The following ANKRD33B variants were observed in gnomAD, a reference collection of about 807,000 sequenced individuals.
ANKRD33B encodes ankyrin repeat domain 33B.
In ANKRD33B, 6 loss-of-function variants were observed where a neutral mutation model predicts 21.5. The observed-to-expected ratio is 0.28, with a 90% CI of 0.15 to 0.55. The LOEUF (loss-of-function observed/expected upper bound fraction) is 0.55. Among genes scored for constraint, ANKRD33B ranks in the 20% least tolerant of loss-of-function variants. The probability of loss-of-function intolerance (pLI) is 0.94; values close to 1 mark genes in which losing one functional copy is unlikely to be tolerated. For synonymous variants in ANKRD33B, 347 were observed against 342.4 expected (o/e 1.01, Z -0.15); for missense variants, 698 against 747.2 (o/e 0.93, Z 0.77).
At chr5:10,577,473 G>T (rs1735349508) in intron 1 of ANKRD33B, among the ~76,000 whole-genome samples, 1 of 152,186 alleles carries the variant, frequency 6.6e-6, no homozygotes, top group Non-Finnish European at 1.5e-5. Context: ...CTGGAGTCGG[G>T]GCCCATCCTG....
chr5:10,624,669 C>T (rs1736503719), intron 2 of ANKRD33B: 20 of 447,188 alleles, frequency 4.5e-5, no homozygotes, highest in South Asian at 3.2e-4. Flanking sequence ...TTGTGTGTGT[C>T]TTAATTGCCT....
intron 1 of ANKRD33B, among the ~76,000 whole-genome samples, chr5:10,604,478 C>A (rs1176724933): frequency 1.3e-5 from 2 of 149,606 alleles, no homozygotes; most frequent in Non-Finnish European, 3.0e-5. Context: ...CAGGTGTGAG[C>A]CACTGTGCCT....
At chr5:10,637,822 C>G (rs537973651) in intron 2 of ANKRD33B, among the ~76,000 whole-genome samples, 2 of 152,236 alleles carry the variant, frequency 1.3e-5, no homozygotes, top group South Asian at 4.2e-4. Flanking sequence ...AAAACAGCAG[C>G]GCTGCAGCCA....
At chr5:10,618,513 C>T (rs950806736) in intron 2 of ANKRD33B, 51 bp downstream of exon 2, 159 of 1,473,546 alleles carry the variant, frequency 1.1e-4, no homozygotes, top group Middle Eastern at 1.8e-4. Context: ...AGAGCACCGC[C>T]GCCGGGCAGC....
At chr5:10,620,753 A>G (rs185650941) in intron 2 of ANKRD33B, among the ~76,000 whole-genome samples, 184 of 152,338 alleles carry the variant, frequency 1.2e-3, no homozygotes, top group Middle Eastern at 6.8e-3. Context: ...GTGTCCTATC[A>G]GGACACATAC....
intron 1 of ANKRD33B, among the ~76,000 whole-genome samples, chr5:10,601,603 C>T (rs1023101254): frequency 7.2e-5 from 11 of 152,230 alleles, no homozygotes; most frequent in African/African-American, 2.7e-4. Flanking sequence ...AGTCGCATTT[C>T]AGCAATCTTT....
chr5:10,572,062 T>C (rs2126545050), intron 1 of ANKRD33B, among the ~76,000 whole-genome samples: 1 of 152,142 alleles, frequency 6.6e-6, no homozygotes, highest in East Asian at 1.9e-4. Flanking sequence ...CTAATTTTTG[T>C]ATTTTTAGTA....
At chr5:10,608,439 A>C (rs1293947942) in intron 1 of ANKRD33B, among the ~76,000 whole-genome samples, 1 of 151,944 alleles carries the variant, frequency 6.6e-6, no homozygotes, top group African/African-American at 2.4e-5. Flanking sequence ...ACAAGGCTGC[A>C]GTAGCGAATC....
intron 1 of ANKRD33B, among the ~76,000 whole-genome samples, chr5:10,580,607 CTT>C (rs1385823466): frequency 6.6e-6 from 1 of 152,160 alleles, no homozygotes; most frequent in African/African-American, 2.4e-5. Context: ...CTCTCTCACT[CTT>C]TTCTTTCTTT....
chr5:10,617,934 C>T (rs566042924), intron 1 of ANKRD33B, among the ~76,000 whole-genome samples: 1 of 152,330 alleles, frequency 6.6e-6, no homozygotes, highest in East Asian at 1.9e-4. Context: ...TCTGCCAAGC[C>T]CAGCCTGACC....
In ANKRD33B at chr5:10,656,488, G is replaced by A. The variant is rs1737491047; in HGVS notation, c.*6375G>A. ...GACACTGGGCTTTGTGCTGGCAAAG[G>A]TTACGATGCTGCTGTAGCTTGGCTG... On this transcript the variant is annotated 3_prime_UTR_variant, in exon 4 of 4. Transcript: ENST00000296657. The A allele has an allele frequency of 6.6e-6, 1 of 152,552 alleles. No individual in the cohort carries two copies. Among genetic ancestry groups the A allele is most frequent in the South Asian group, 2.1e-4 (1 of 4,836 alleles). 9.4% of individuals were successfully genotyped at this position (152,552 alleles called of 1,614,324 possible).
intron 2 of ANKRD33B, among the ~76,000 whole-genome samples, chr5:10,633,192 C>G (rs1161990120): frequency 2.0e-5 from 3 of 150,888 alleles, no homozygotes; most frequent in African/African-American, 7.3e-5. Context: ...ACCTCCACCT[C>G]CTGGGTTCAA....
intron 2 of ANKRD33B, among the ~76,000 whole-genome samples, chr5:10,635,587 C>T (rs1282124491): frequency 6.6e-6 from 1 of 152,240 alleles, no homozygotes; most frequent in African/African-American, 2.4e-5. Context: ...CATGGTTCCC[C>T]TTTTCACATT....
At chr5:10,597,807 G>T (rs1735848327) in intron 1 of ANKRD33B, among the ~76,000 whole-genome samples, 1 of 152,178 alleles carries the variant, frequency 6.6e-6, no homozygotes, top group Non-Finnish European at 1.5e-5. Flanking sequence ...CTCAGCAAAT[G>T]CAGAAGAACT....
chr5:10,577,936 C>A (rs1022613623), intron 1 of ANKRD33B, among the ~76,000 whole-genome samples: 2 of 152,182 alleles, frequency 1.3e-5, no homozygotes, highest in African/African-American at 4.8e-5. Flanking sequence ...CTTAGGGGGA[C>A]CTGTTTCCTT....
chr5:10,618,190 A>C, intron 1 of ANKRD33B, 143 bp from the exon 2 acceptor site: 2 of 1,130,762 alleles, frequency 1.8e-6, no homozygotes, highest in South Asian at 1.5e-5. Flanking sequence ...ACTCTAAACC[A>C]TCTCTGAGAA....
intron 1 of ANKRD33B, among the ~76,000 whole-genome samples, chr5:10,607,589 T>A (rs1736073944): frequency 6.6e-6 from 1 of 152,372 alleles, no homozygotes; most frequent in Non-Finnish European, 1.5e-5. Context: ...AACTGAATTG[T>A]CCTGGTTCAA....
chr5:10,613,990 CGTGTGTGT>C (rs59864065), intron 1 of ANKRD33B, among the ~76,000 whole-genome samples: 71 of 141,382 alleles, frequency 5.0e-4, no homozygotes, highest in East Asian at 2.5e-3. Flanking sequence ...CCAGAGAAAT[CGTGTGTGT>C]GTGTGTGTGT....
rs28375858 is a variant in ANKRD33B at position 10,601,962 on chromosome 5, A to G, written c.367-16371A>G. On this transcript the variant is annotated intron_variant, in intron 1 of 3. Transcript: ENST00000296657. ...ATGAGAACAAGACCAGTTAGGGGGCATGTGAGGGAGTGCTGTAGGCATCCA... is the reference window on the plus strand; with the variant it reads ...ATGAGAACAAGACCAGTTAGGGGGCGTGTGAGGGAGTGCTGTAGGCATCCA... Among the ~76,000 whole-genome samples the G allele has an allele frequency of 6.8e-3, 1,038 of 152,344 alleles. 9 individuals are homozygous for G. The highest frequency in any genetic ancestry group is 0.024 in the African/African-American group (997 of 41,584).
Sources: gnomAD v4.1 joint callset for allele counts (sites outside exome capture counted in the v4.1 genomes callset) on GRCh38, gnomAD v4.1.1 for gene constraint, MANE v1.5 for transcripts, NCBI Gene and HGNC (gene_info 2026-07-23, HGNC 2026-07-21) for gene names.